The following CSMD1 variants were observed in gnomAD, a reference collection of about 807,000 sequenced individuals.
The protein encoded by CSMD1 is CUB and sushi domain-containing protein 1.
CSMD1 carries 213 observed loss-of-function variants against 417.5 expected under a neutral mutation model. That is an observed-to-expected ratio of 0.51 (90% confidence interval 0.46 to 0.57). The LOEUF is 0.57. CSMD1 is among the 20% of genes least tolerant of loss of function. The pLI is 0.00. For synonymous variants in CSMD1, 2,862 were observed against 1,736.8 expected (o/e 1.65, Z -16.11); for missense variants, 6,923 against 4,529.7 (o/e 1.53, Z -15.17).
chr8:4,648,007 G>A (rs938024767), intron 1 of CSMD1, among the ~76,000 whole-genome samples: 2 of 152,186 alleles, frequency 1.3e-5, no homozygotes, highest in East Asian at 1.9e-4. Context: ...TTCCTCAGTT[G>A]TTGAACTAAT....
chr8:4,359,488 C>G (rs959657000), intron 3 of CSMD1, among the ~76,000 whole-genome samples: 2 of 152,348 alleles, frequency 1.3e-5, no homozygotes, highest in East Asian at 1.9e-4. Context: ...AATCCTTCCT[C>G]TTTGTCTCTT....
At chr8:4,342,630 A>T (rs1435132616) in intron 3 of CSMD1, among the ~76,000 whole-genome samples, 1 of 151,980 alleles carries the variant, frequency 6.6e-6, no homozygotes, top group Admixed American at 6.6e-5. Context: ...ACATGCAGAC[A>T]TTCTTTATTT....
chr8:4,280,217 G>T (rs1168400876), intron 3 of CSMD1, among the ~76,000 whole-genome samples: 2 of 152,136 alleles, frequency 1.3e-5, no homozygotes, highest in African/African-American at 4.8e-5. Flanking sequence ...CCAATCAAAG[G>T]TTACTTTCTC....
intron 3 of CSMD1, among the ~76,000 whole-genome samples, chr8:4,350,508 G>C (rs1801029028): frequency 6.6e-6 from 1 of 152,204 alleles, no homozygotes; most frequent in Non-Finnish European, 1.5e-5. Flanking sequence ...CACCGCAGCA[G>C]TGAGCTCTCA....
chr8:3,359,021 G>C (rs754070825), intron 21 of CSMD1, 131 bp downstream of exon 21: 92 of 775,034 alleles, frequency 1.2e-4, no homozygotes, highest in Non-Finnish European at 1.8e-4. Context: ...GGTTGGCAGA[G>C]TGGAGCCCAC....
chr8:3,796,306 T>A lies in CSMD1; in HGVS notation c.819-42264A>T, dbSNP rs1247834048. Among the ~76,000 whole-genome samples, 4 of 98,320 alleles carry A rather than the reference T, an allele frequency of 4.1e-5. 2 individuals carry two copies. The highest frequency in any genetic ancestry group is 8.3e-5 in the Non-Finnish European group (4 of 48,420). The allele number at this position is 98,320 out of a possible 152,430, so 64.5% of individuals were successfully genotyped here. ...CATGTATAGATATATCTATCATGTA[T>A]AGATATAGATATCTATCATGTATAG... On this transcript the variant is annotated intron_variant, in intron 5 of 69. Transcript: ENST00000635120.
At chr8:3,515,721 C>A (rs118083418) in intron 10 of CSMD1, among the ~76,000 whole-genome samples, 1 of 152,158 alleles carries the variant, frequency 6.6e-6, no homozygotes, top group South Asian at 2.1e-4. Flanking sequence ...TGTTATTCAG[C>A]ATTCATTAAT....
At chr8:3,342,493 G>C (rs1807722766) in intron 23 of CSMD1, among the ~76,000 whole-genome samples, 1 of 152,114 alleles carries the variant, frequency 6.6e-6, no homozygotes, top group Non-Finnish European at 1.5e-5. Context: ...TAATTAATTA[G>C]TTAATTTTAA....
intron 1 of CSMD1, among the ~76,000 whole-genome samples, chr8:4,727,833 T>C (rs1436702144): frequency 6.7e-6 from 1 of 150,184 alleles, no homozygotes; most frequent in Non-Finnish European, 1.5e-5. Context: ...GGGATATATA[T>C]ATCTATTATA....
chr8:4,216,316 C>G (rs1367280903), intron 3 of CSMD1, among the ~76,000 whole-genome samples: 1 of 152,128 alleles, frequency 6.6e-6, no homozygotes, highest in Non-Finnish European at 1.5e-5. Flanking sequence ...TCTGTCACCT[C>G]AGTAACTGCA....
chr8:4,160,484 T>C (rs1348932876), intron 3 of CSMD1, among the ~76,000 whole-genome samples: 1 of 152,152 alleles, frequency 6.6e-6, no homozygotes, highest in African/African-American at 2.4e-5. Flanking sequence ...CTTCATGAGG[T>C]CCGAACATCG....
At chr8:4,703,783 G>T (rs146086469) in intron 1 of CSMD1, among the ~76,000 whole-genome samples, 5 of 152,168 alleles carry the variant, frequency 3.3e-5, no homozygotes, top group African/African-American at 1.2e-4. Flanking sequence ...ATTGGGATAC[G>T]AAGAGACCCG....
chr8:3,439,309 A>ATATATATAAATATATTTTT, intron 12 of CSMD1, among the ~76,000 whole-genome samples: 1 of 62,482 alleles, frequency 1.6e-5, no homozygotes, highest in African/African-American at 6.7e-5. Context: ...ATATATATAT[A>ATATATATAAATATATTTTT]TTTTTTTTTT....
At chr8:2,941,390 A>G (rs1413699653) in intron 69 of CSMD1, among the ~76,000 whole-genome samples, 1 of 152,346 alleles carries the variant, frequency 6.6e-6, no homozygotes, top group Middle Eastern at 3.4e-3. Context: ...AAATATCTGT[A>G]TTATGTACTG....
At chr8:3,232,382 T>C (rs1018530492) in intron 26 of CSMD1, among the ~76,000 whole-genome samples, 2 of 152,238 alleles carry the variant, frequency 1.3e-5, no homozygotes, top group Non-Finnish European at 2.9e-5. Flanking sequence ...GCTTGTATTA[T>C]GTTTTTGGGA....
intron 5 of CSMD1, among the ~76,000 whole-genome samples, chr8:3,862,805 C>G (rs114569308): frequency 0.038 from 5,731 of 152,272 alleles, 106 homozygotes; most frequent in Middle Eastern, 0.068. Flanking sequence ...ATCACAACAG[C>G]ATTGCCTGCC....
chr8:4,177,262 C>A (rs1370386804), intron 3 of CSMD1, among the ~76,000 whole-genome samples: 1 of 152,076 alleles, frequency 6.6e-6, no homozygotes, highest in Non-Finnish European at 1.5e-5. Context: ...AGCTAGAACT[C>A]AGGATTAAGA....
At chr8:3,165,642 C>G (rs1355413593) in intron 37 of CSMD1, among the ~76,000 whole-genome samples, 14 of 151,990 alleles carry the variant, frequency 9.2e-5, no homozygotes, top group Non-Finnish European at 4.4e-5. Context: ...CCATGTTAGC[C>G]AGGGTGGTCT....
intron 11 of CSMD1, among the ~76,000 whole-genome samples, chr8:3,483,746 T>C (rs1817871012): frequency 6.6e-6 from 1 of 152,110 alleles, no homozygotes; most frequent in East Asian, 1.9e-4. Flanking sequence ...CTCAACAAAA[T>C]ATTAGAAAAC....
Sources: allele counts gnomAD v4.1 joint callset (sites outside exome capture counted in the v4.1 genomes callset), GRCh38; gene constraint gnomAD v4.1.1; transcripts MANE v1.5; gene names NCBI Gene and HGNC (gene_info 2026-07-23, HGNC 2026-07-21).